Variants in APBB1IP observed in about 807,000 individuals in gnomAD.
APBB1IP encodes amyloid beta A4 precursor protein-binding family B member 1-interacting protein.
A neutral mutation model predicts 64.9 loss-of-function variants in APBB1IP; 27 were observed. The observed-to-expected ratio is 0.42, with a 90% confidence interval of 0.31 to 0.57. The LOEUF (loss-of-function observed/expected upper bound fraction) is 0.57, where lower values mean the gene tolerates loss of function less well. Ranked by LOEUF, APBB1IP falls within the 20% of genes least tolerant of loss-of-function variation. The pLI, the probability that APBB1IP is intolerant of heterozygous loss-of-function variation, is 0.20. For missense variants in APBB1IP, 812 were observed against 845.5 expected (o/e 0.96, Z 0.49); for synonymous variants, 392 against 331.0 (o/e 1.18, Z -2.00).
chr10:26,499,343 T>C (rs1202778566), intron 4 of APBB1IP, among the ~76,000 whole-genome samples: 2 of 151,726 alleles, frequency 1.3e-5, no homozygotes, highest in Non-Finnish European at 2.9e-5. Context: ...AAATTATATA[T>C]AAAAAAGGCT....
At chr10:26,470,023 G>A (rs1176302122) in intron 2 of APBB1IP, among the ~76,000 whole-genome samples, 1 of 152,160 alleles carries the variant, frequency 6.6e-6, no homozygotes, top group East Asian at 1.9e-4. Flanking sequence ...CCTCTGGTGG[G>A]GAAAGGATGG....
At chr10:26,461,113 G>A (rs939699470) in intron 2 of APBB1IP, among the ~76,000 whole-genome samples, 4 of 151,842 alleles carry the variant, frequency 2.6e-5, no homozygotes, top group Non-Finnish European at 4.4e-5. Flanking sequence ...CGTTCAGAGA[G>A]CCAGTCAAAA....
intron 2 of APBB1IP, among the ~76,000 whole-genome samples, chr10:26,470,650 G>A (rs1054326764): frequency 6.6e-6 from 1 of 152,182 alleles, no homozygotes; most frequent in African/African-American, 2.4e-5. Flanking sequence ...TGTGCAGTAG[G>A]TTAGGTGTAT....
At chr10:26,501,132 A>G (rs1836093894) in intron 5 of APBB1IP, 21 bp downstream of exon 5, 2 of 1,614,072 alleles carry the variant, frequency 1.2e-6, no homozygotes, top group South Asian at 1.1e-5. Flanking sequence ...GGGACCAGAG[A>G]TGGCAGGACC....
chr10:26,562,512 A>G, intron 14 of APBB1IP, 83 bp downstream of exon 14: 1 of 1,247,436 alleles, frequency 8.0e-7, no homozygotes, highest in Non-Finnish European at 1.2e-6. Flanking sequence ...TTAAAAAGAG[A>G]AAATAAGCTG....
intron 10 of APBB1IP, among the ~76,000 whole-genome samples, chr10:26,537,521 TCACAACTGACC>T (rs1453117479): frequency 6.6e-6 from 1 of 152,214 alleles, no homozygotes; most frequent in Non-Finnish European, 1.5e-5. Flanking sequence ...ACTGGGCACC[TCACAACTGACC>T]CACAAATAAT....
At chr10:26,483,228 C>T (rs1238997654) in intron 2 of APBB1IP, among the ~76,000 whole-genome samples, 8 of 151,492 alleles carry the variant, frequency 5.3e-5, no homozygotes. Context: ...GGAAAACCCA[C>T]ACAGAAAAAT....
intron 2 of APBB1IP, among the ~76,000 whole-genome samples, chr10:26,477,270 TA>T (rs1835787038): frequency 6.6e-6 from 1 of 152,256 alleles, no homozygotes; most frequent in Non-Finnish European, 1.5e-5. Context: ...CCATTATTGA[TA>T]ATTCTAAGTT....
intron 11 of APBB1IP, among the ~76,000 whole-genome samples, chr10:26,552,396 G>T (rs922964981): frequency 3.9e-5 from 6 of 152,056 alleles, no homozygotes; most frequent in African/African-American, 1.4e-4. Flanking sequence ...TTAGGAGTTC[G>T]AGACCAGCCT....
At chr10:26,475,982 C>G (rs1835770448) in intron 2 of APBB1IP, among the ~76,000 whole-genome samples, 1 of 152,098 alleles carries the variant, frequency 6.6e-6, no homozygotes, top group East Asian at 1.9e-4. Context: ...AATCCCAGCA[C>G]TTTGGGAGGC....
At chr10:26,527,405 G>A (rs1564369705) in intron 8 of APBB1IP, among the ~76,000 whole-genome samples, 1 of 151,862 alleles carries the variant, frequency 6.6e-6, no homozygotes, top group African/African-American at 2.4e-5. Context: ...CAATTAGCTG[G>A]GTGTGATGGC....
chr10:26,477,948 T>G (rs1253266160), intron 2 of APBB1IP, among the ~76,000 whole-genome samples: 7 of 152,218 alleles, frequency 4.6e-5, no homozygotes, highest in Non-Finnish European at 7.3e-5. Flanking sequence ...TGGTAGTTTT[T>G]TAAATTTATC....
chr10:26,529,695 C>T (rs1263439982), intron 8 of APBB1IP, among the ~76,000 whole-genome samples: 2 of 152,068 alleles, frequency 1.3e-5, no homozygotes, highest in Admixed American at 6.6e-5. Context: ...AGCTGGAGTG[C>T]GGTGGGATGA....
chr10:26,440,137 T>C (rs1489411232), intron 2 of APBB1IP, among the ~76,000 whole-genome samples: 1 of 152,196 alleles, frequency 6.6e-6, no homozygotes, highest in Non-Finnish European at 1.5e-5. Flanking sequence ...ATTACTAATA[T>C]TTGGGTTTTT....
intron 2 of APBB1IP, among the ~76,000 whole-genome samples, chr10:26,446,757 C>T (rs1835402869): frequency 6.6e-6 from 1 of 152,048 alleles, no homozygotes; most frequent in Non-Finnish European, 1.5e-5. Context: ...ACCTATAGTC[C>T]CAGCTACGTG....
intron 9 of APBB1IP, 68 bp from the exon 10 acceptor site, chr10:26,536,006 T>A: frequency 6.7e-7 from 1 of 1,490,780 alleles, no homozygotes; most frequent in South Asian, 1.4e-5. Context: ...TGTAAGTTTT[T>A]AAATGTGAAT....
At chr10:26,512,114 G>A (rs569858872) in intron 7 of APBB1IP, among the ~76,000 whole-genome samples, 1 of 152,314 alleles carries the variant, frequency 6.6e-6, no homozygotes, top group African/African-American at 2.4e-5. Flanking sequence ...ACAGGTGTGA[G>A]CCACTGCGCC....
intron 2 of APBB1IP, among the ~76,000 whole-genome samples, chr10:26,444,997 C>T (rs1458844556): frequency 6.6e-6 from 1 of 151,360 alleles, no homozygotes; most frequent in Non-Finnish European, 1.5e-5. Flanking sequence ...ATTCGGGAGG[C>T]TGAGGCAGGA....
rs561971995 is a variant in APBB1IP at position 26,480,730 on chromosome 10, G to A, written c.1-11597G>A. 1.1e-3 allele frequency among the ~76,000 whole-genome samples: 156 copies of A among 142,852 alleles called. No individual in the cohort carries two copies. The Middle Eastern group carries it at 0.019, about 17-fold the overall frequency. The allele number at this position is 142,852 out of a possible 152,430, so 93.7% of individuals were successfully genotyped here. ...GATCTGCCTACCTCGACCTCCCAAAGTGCTGGGATTACAGGCATGAGCCAC... is the reference window on the plus strand; with the variant it reads ...GATCTGCCTACCTCGACCTCCCAAAATGCTGGGATTACAGGCATGAGCCAC... On this transcript the variant is annotated intron_variant, in intron 2 of 14. Coordinates refer to ENST00000376236, the MANE Select transcript of APBB1IP (RefSeq NM_019043.4).
Sources: gnomAD v4.1 joint callset for allele counts (sites outside exome capture counted in the v4.1 genomes callset) on GRCh38, gnomAD v4.1.1 for gene constraint, MANE v1.5 for transcripts, NCBI Gene and HGNC (gene_info 2026-07-23, HGNC 2026-07-21) for gene names.